PTCH2: variants seen among roughly 807,000 people sequenced by gnomAD.
PTCH2 encodes the protein patched 2.
A neutral mutation model predicts 117.9 loss-of-function variants in PTCH2; 96 were observed. The observed-to-expected ratio is 0.81, with a 90% CI of 0.69 to 0.96. PTCH2 has a LOEUF of 0.96. Ranked by LOEUF, PTCH2 falls within the 50% of genes least tolerant of loss-of-function variation. PTCH2 has a pLI of 0.00. For synonymous variants in PTCH2, 615 were observed against 660.9 expected (o/e 0.93, Z 1.06); for missense variants, 1,379 against 1,562.5 (o/e 0.88, Z 1.98).
chr1:44,832,224 G>A lies in PTCH2; in HGVS notation c.383C>T (p.Thr128Ile), dbSNP rs1238642922. 1.2e-6 allele frequency: 2 copies of A among 1,614,076 alleles called. No individual in the cohort carries two copies. Among genetic ancestry groups the A allele is most frequent in the Non-Finnish European group, 1.7e-6 (2 of 1,180,038 alleles). ...GAGGTGGAGGCCAAGTGCTTCGGGT[G>A]TGAGGATGTTCTCTCCCTCCTGGCG... ...TARQEGENILTPEALGLHLQA... is the reference protein window; with the variant it reads ...TARQEGENILIPEALGLHLQA... The change falls in exon 3 of 22, where the codon ACA becomes ATA. Residue 128 changes from threonine to isoleucine, a missense_variant. Thr to Ile is a moderately conservative substitution (Grantham distance 89). Coordinates refer to ENST00000372192, the MANE Select transcript of PTCH2 (RefSeq NM_003738.5).
At chr1:44,822,699 C>T in intron 21 of PTCH2, 30 bp from the exon 22 acceptor site, 4 of 1,610,356 alleles carry the variant, frequency 2.5e-6, no homozygotes, top group Non-Finnish European at 3.4e-6. Flanking sequence ...CCAGTAAGCC[C>T]ACGGGCCCCT....
rs747015320 is a variant in PTCH2 at position 44,831,727 on chromosome 1, T to C, written c.596A>G (p.Gln199Arg). The C allele has an allele frequency of 2.6e-6, 4 of 1,565,442 alleles. No homozygotes were observed. In the South Asian group the frequency reaches 3.5e-5, roughly 14 times the overall value. Residue 199 changes from glutamine to arginine, a missense_variant, in exon 5 of 22, where the codon CAA (glutamine) becomes CGA (arginine). Transcript: ENST00000372192. The surrounding 1 kb of genome is among the most constrained non-coding windows in gnomAD (Gnocchi z 4.3). The part of the protein sequence containing the change: ...LDCFWEGAKL[Q>R]GGSAYLPGRP... The stretch of plus-strand genomic sequence containing the variant: ...TCACGGCAGGTAGGCGGAGCCCCCT[T>C]GGAGTTTGGCTCCCTCCCAGAAGCA...
In PTCH2 at chr1:44,842,051, A is replaced by G. The variant is rs774779064; in HGVS notation, c.73-12T>C. The G allele has an allele frequency of 1.2e-6, 2 of 1,605,048 alleles. No homozygotes were observed. The highest frequency in any genetic ancestry group is 3.3e-5 in the Admixed American group (2 of 59,986). ...CTCCCAGCTAGGATCTGGGATGGAA[A>G]GAGAAGGGTCAGCCAGGCATCACTG... On this transcript the variant is annotated splice_polypyrimidine_tract_variant and intron_variant, in intron 1 of 21. Transcript: ENST00000372192.
chr1:44,820,338 G>A (rs1211971401), downstream of PTCH2: 1 of 515,408 alleles, frequency 1.9e-6, no homozygotes, highest in Non-Finnish European at 3.8e-6. Context: ...CGCCGGGTGC[G>A]GAGTCCTTTG....
In PTCH2 at chr1:44,827,171, C is replaced by A. The variant is rs368300481; in HGVS notation, c.2510G>T (p.Ser837Ile). The A allele has an allele frequency of 5.0e-6, 8 of 1,614,076 alleles. No individual in the cohort carries two copies. In the African/African-American group the frequency reaches 1.1e-4, roughly 22 times the overall value. Residue 837 changes from serine to isoleucine, a missense_variant, in exon 16 of 22, where the codon AGC (serine) becomes ATC (isoleucine). By Grantham distance (142) the Ser-to-Ile change is moderately radical (BLOSUM62 -2). Coordinates refer to ENST00000372192, the MANE Select transcript of PTCH2 (RefSeq NM_003738.5). ...CCCCTCCAGCCCTCTCCCAACCTGG[C>A]TGAAATCCAGAGGCTCCTGGGCGTC... Reference protein sequence around the residue: ...TGDAQEPLDFSQLTTRKLVDR... With the variant: ...TGDAQEPLDFIQLTTRKLVDR...
At chr1:44,830,326 A>G (rs1653376232) in intron 6 of PTCH2, among the ~76,000 whole-genome samples, 1 of 152,204 alleles carries the variant, frequency 6.6e-6, no homozygotes, top group African/African-American at 2.4e-5. Flanking sequence ...GAAACCAGGT[A>G]TGATATTCAT....
In PTCH2 at chr1:44,822,142, G is replaced by C; in HGVS notation, c.*273C>G. 7.1e-7 allele frequency: 1 copy of C among 1,411,108 alleles called. No homozygotes were observed. The highest frequency in any genetic ancestry group is 1.5e-5 in the South Asian group (1 of 66,730). The allele number at this position is 1,411,108 out of a possible 1,614,324, so 87.4% of individuals were successfully genotyped here. A position where few individuals can be genotyped will look rare whatever the true frequency, so the allele number is the denominator to read the frequency against. On this transcript the variant is annotated 3_prime_UTR_variant, in exon 22 of 22. Coordinates refer to ENST00000372192, the MANE Select transcript of PTCH2 (RefSeq NM_003738.5). ...GGCTTGGTCAGCTGGGCAGGCAGTG[G>C]TGTGGGGTGGGAAGGGGGACAGGGC...
rs201603163 is a variant in PTCH2, at chr1:44,831,720, G to C, written c.603C>G (p.Gly201=). 255 of 1,561,470 alleles carry C rather than the reference G, an allele frequency of 1.6e-4. 3 individuals are homozygous for C. The East Asian group carries it at 6.0e-3, about 37-fold the overall frequency. ...GTGGCACTCACGGCAGGTAGGCGGA[G>C]CCCCCTTGGAGTTTGGCTCCCTCCC... ...CFWEGAKLQG[G]SAYLPGRPDI... The change falls in exon 5 of 22, where the codon GGC becomes GGG. Residue 201 remains glycine, a synonymous_variant. Transcript: ENST00000372192. The surrounding 1 kb of genome is among the most constrained non-coding windows in gnomAD (Gnocchi z 4.3).
Position 44,826,963 on chromosome 1 carries a change from G to C in PTCH2, c.2634C>G (p.Phe878Leu). 1 of 1,614,060 alleles carries C rather than the reference G, an allele frequency of 6.2e-7. No homozygotes were observed. The highest frequency in any genetic ancestry group is 1.7e-5 in the Admixed American group (1 of 60,024). Residue 878 changes from phenylalanine (F) to leucine (L), a missense_variant, in exon 17 of 22, where the codon TTC (phenylalanine) becomes TTG (leucine). Transcript: ENST00000372192. This position sits in a 1 kb window ranked among gnomAD's most constrained non-coding sequence, Gnocchi z 5.1. ...PLGLAASQAN[F>L]YPPPPEWLHD... ...GCAGCCATTCAGGAGGTGGGGGGTA[G>C]AAGTTGGCCTGTGAGGCTGCCAGAC...
In PTCH2 at chr1:44,829,744, C is replaced by T. The variant is rs772366646; in HGVS notation, c.953G>A (p.Ser318Asn). The change falls in exon 8 of 22, where the codon AGC becomes AAC. Residue 318 changes from serine to asparagine, a missense_variant. Transcript: ENST00000372192. ...GCGGGGACTCATCAGCAAGAAGGTG[C>T]TCTGCAGGGCCTCTGCCCTGGTGGG... ...GELLRAEALQ[S>N]TFLLMSPRQL... 3.1e-6 allele frequency: 5 copies of T among 1,614,234 alleles called. No individual in the cohort carries two copies. Among genetic ancestry groups the T allele is most frequent in the Non-Finnish European group, 4.2e-6 (5 of 1,180,034 alleles).
Position 44,827,931 on chromosome 1 carries a change from G to C in PTCH2, c.1970C>G (p.Ala657Gly), listed in dbSNP as rs749629403. The change falls in exon 14 of 22, where the codon GCC becomes GGC. Residue 657 changes from alanine to glycine, a missense_variant. Transcript: ENST00000372192. Reference protein sequence around the residue: ...GQEEETRQKAACKSLPCARWN... With the variant: ...GQEEETRQKAGCKSLPCARWN... ...GCGGGCACAGGGCAGGGACTTGCAG[G>C]CTGCCTTCTGCCTTGTCTCCTCCTC... 6.2e-7 allele frequency: 1 copy of C among 1,614,206 alleles called. No homozygotes were observed. Among genetic ancestry groups the C allele is most frequent in the African/African-American group, 1.3e-5 (1 of 75,068 alleles).
intron 2 of PTCH2, among the ~76,000 whole-genome samples, chr1:44,837,807 G>A (rs1311873120): frequency 6.6e-6 from 1 of 152,062 alleles, no homozygotes; most frequent in Non-Finnish European, 1.5e-5. Flanking sequence ...TGCCGGGCCC[G>A]GTGGCTCAAG....
intron 2 of PTCH2, among the ~76,000 whole-genome samples, chr1:44,839,381 A>C (rs866280610): frequency 6.6e-6 from 1 of 150,458 alleles, no homozygotes; most frequent in African/African-American, 2.4e-5. Context: ...AAAAAAAAAA[A>C]AACAGAAAGA....
In PTCH2 at chr1:44,826,258, C is replaced by T. The variant is rs560010627; in HGVS notation, c.3106G>A (p.Val1036Met). The T allele has an allele frequency of 5.5e-5, 89 of 1,614,046 alleles. No homozygotes were observed. Among genetic ancestry groups the T allele is most frequent in the Non-Finnish European group, 7.0e-5 (83 of 1,180,038 alleles). Residue 1036 changes from valine (V) to methionine (M), a missense_variant, in exon 19 of 22, where the codon GTG (valine) becomes ATG (methionine). By Grantham distance (21) the Val-to-Met change is conservative. Transcript: ENST00000372192. The surrounding 1 kb of genome is among the most constrained non-coding windows in gnomAD (Gnocchi z 5.1). ...VGIGVEFTVH[V>M]ALGFLTTQGS... ...GGGGTGCCCGTGCTCACCAGAGCCA[C>T]GTGGACTGTGAACTCAACGCCAATG...
chr1:44,826,882 G>A lies in PTCH2; in HGVS notation c.2695+20C>T, dbSNP rs745409083. 109 of 1,613,704 alleles carry A rather than the reference G, an allele frequency of 6.8e-5. No homozygotes were observed. The highest frequency in any genetic ancestry group is 1.6e-4 in the Middle Eastern group (1 of 6,084). On this transcript the variant is annotated intron_variant, in intron 17 of 21. Transcript: ENST00000372192. The surrounding 1 kb of genome is among the most constrained non-coding windows in gnomAD (Gnocchi z 5.1). ...TGTGGGCGAGGCTGAGGCTCTTGCC[G>A]AGCTCCCCCCAAGACTCACTGCGAA... is the stretch of plus-strand genomic sequence containing the variant.
chr1:44,822,803 G>A, intron 21 of PTCH2, 134 bp from the exon 22 acceptor site: 1 of 1,001,660 alleles, frequency 1.0e-6, no homozygotes, highest in Non-Finnish European at 1.5e-6. Flanking sequence ...ATGAGAGCTG[G>A]CAGGCGACAG....
chr1:44,833,381 C>T (rs886277820), intron 2 of PTCH2, among the ~76,000 whole-genome samples: 1 of 151,876 alleles, frequency 6.6e-6, no homozygotes, highest in Non-Finnish European at 1.5e-5. Context: ...CCCAAACGTA[C>T]TGCTTCTCTG....
chr1:44,820,383 G>T, downstream of PTCH2: 1 of 599,168 alleles, frequency 1.7e-6, no homozygotes, highest in South Asian at 1.5e-5. Context: ...TTAAGGTCCT[G>T]TCCCGCCGTC....
chr1:44,829,385 C>A lies in PTCH2; in HGVS notation c.1215+17G>T, dbSNP rs539152246. The A allele has an allele frequency of 1.9e-6, 3 of 1,614,104 alleles. No individual in the cohort carries two copies. Among genetic ancestry groups the A allele is most frequent in the Non-Finnish European group, 2.5e-6 (3 of 1,180,006 alleles). On this transcript the variant is annotated intron_variant, in intron 9 of 21. Transcript: ENST00000372192. ...TTGGAGGTGGGGTGGGGGCAAGGTG[C>A]CAGGTGCAAGACCCACCATGAGCAG... is the stretch of plus-strand genomic sequence containing the variant.
Sources: gnomAD v4.1 joint callset for allele counts (sites outside exome capture counted in the v4.1 genomes callset) on GRCh38, gnomAD v4.1.1 for gene constraint, Gnocchi (gnomAD v3.1) non-coding constraint, MANE v1.5 for transcripts, NCBI Gene and HGNC (gene_info 2026-07-23, HGNC 2026-07-21) for gene names.